PPARA: variants seen among roughly 807,000 people sequenced by gnomAD.
PPARA encodes the protein peroxisome proliferator-activated receptor alpha.
PPARA carries 22 observed loss-of-function variants against 42.2 expected under a neutral mutation model. The ratio of observed to expected loss-of-function variants is 0.52; its 90% CI spans 0.37 to 0.74. The LOEUF is 0.74. PPARA is among the 30% of genes least tolerant of loss of function. The pLI, the probability that PPARA is intolerant of heterozygous loss-of-function variation, is 0.00. For synonymous variants in PPARA, 242 were observed against 239.3 expected (o/e 1.01, Z -0.10); for missense variants, 465 against 608.2 (o/e 0.76, Z 2.48).
chr22:46,153,161 TCC>T (rs1924713693), intron 2 of PPARA, among the ~76,000 whole-genome samples: 1 of 140,770 alleles, frequency 7.1e-6, no homozygotes. Flanking sequence ...TTTTCCCACA[TCC>T]TTTTTTTTTT....
intron 3 of PPARA, among the ~76,000 whole-genome samples, chr22:46,185,194 A>G (rs4253692): frequency 0.019 from 2,841 of 152,120 alleles, 82 homozygotes; most frequent in African/African-American, 0.065. Flanking sequence ...CCCATGTTCC[A>G]TCTGTTTTCA....
intron 3 of PPARA, among the ~76,000 whole-genome samples, chr22:46,189,987 G>A (rs1032503606): frequency 6.6e-6 from 1 of 152,172 alleles, no homozygotes; most frequent in Non-Finnish European, 1.5e-5. Flanking sequence ...TTACAGGCAT[G>A]AGCGACTGCG....
Position 46,190,004 on chromosome 22 carries a change from C to T in PPARA, c.-42-8338C>T, listed in dbSNP as rs116820620. ...ACAGGCATGAGCGACTGCGCCCAGC[C>T]GTGTTCATCTATTTCTGTGAACCGA... is the stretch of plus-strand genomic sequence containing the variant. On this transcript the variant is annotated intron_variant, in intron 3 of 8. Coordinates refer to ENST00000407236, the MANE Select transcript of PPARA (RefSeq NM_005036.6). This position sits in a 1 kb window ranked among gnomAD's most constrained non-coding sequence, Gnocchi z 5.6. Among the ~76,000 whole-genome samples the T allele has an allele frequency of 7.4e-3, 1,133 of 152,254 alleles. 14 individuals are homozygous for T. The highest frequency in any genetic ancestry group is 0.026 in the African/African-American group (1,064 of 41,534).
intron 2 of PPARA, among the ~76,000 whole-genome samples, chr22:46,154,463 C>T (rs1328078444): frequency 6.6e-6 from 1 of 151,898 alleles, no homozygotes; most frequent in African/African-American, 2.4e-5. Flanking sequence ...ACTAAAAATA[C>T]AAAAATTAGC....
In PPARA at chr22:46,191,292, G is replaced by C. The variant is rs1297459291; in HGVS notation, c.-42-7050G>C. 6.6e-6 allele frequency among the ~76,000 whole-genome samples: 1 copy of C among 152,178 alleles called. No homozygotes were observed. Among genetic ancestry groups the C allele is most frequent in the African/African-American group, 2.4e-5 (1 of 41,446 alleles). ...GTGCACACGTGGGTGAGACACGGCA[G>C]CTGCTCTCCAGAAGCCCACAGTGGA... On this transcript the variant is annotated intron_variant, in intron 3 of 8. Coordinates refer to ENST00000407236, the MANE Select transcript of PPARA (RefSeq NM_005036.6). This position sits in a 1 kb window ranked among gnomAD's most constrained non-coding sequence, Gnocchi z 4.6.
chr22:46,151,346 C>G (rs1396623712), intron 1 of PPARA, among the ~76,000 whole-genome samples: 2 of 152,182 alleles, frequency 1.3e-5, no homozygotes, highest in South Asian at 2.1e-4. Context: ...CCACGTCGCT[C>G]CCGGTCGGGG....
chr22:46,211,234 C>A lies in PPARA; in HGVS notation c.209-3939C>A, dbSNP rs1416568708. Among the ~76,000 whole-genome samples, 2 of 152,198 alleles carry A rather than the reference C, an allele frequency of 1.3e-5. No homozygotes were observed. The highest frequency in any genetic ancestry group is 2.9e-5 in the Non-Finnish European group (2 of 68,042). Reference sequence around the variant, plus strand: ...CATGAGTGTGTGCTGATGTCTCCAGCCCTCATCTGTTACCAGATGGATCGT... The same window carrying A: ...CATGAGTGTGTGCTGATGTCTCCAGACCTCATCTGTTACCAGATGGATCGT... On this transcript the variant is annotated intron_variant, in intron 4 of 8. Transcript: ENST00000407236. The surrounding 1 kb of genome is among the most constrained non-coding windows in gnomAD (Gnocchi z 4.1).
Position 46,150,639 on chromosome 22 carries a change from G to T in PPARA, c.-223G>T, listed in dbSNP as rs1411996740. 2 of 143,312 alleles carry T rather than the reference G, an allele frequency of 1.4e-5. No individual in the cohort carries two copies. Among genetic ancestry groups the T allele is most frequent in the African/African-American group, 2.5e-5 (1 of 40,110 alleles). The allele number at this position is 143,312 out of a possible 1,614,324, so 8.9% of individuals were successfully genotyped here. A position where few individuals can be genotyped will look rare whatever the true frequency, so the allele number is the denominator to read the frequency against. ...TTCGCCCCACGGACCGGCAGGCGGC[G>T]GACCGCGGCCCAGGTGCCCGGGGGC... On this transcript the variant is annotated 5_prime_UTR_variant, in exon 1 of 9. Coordinates refer to ENST00000407236, the MANE Select transcript of PPARA (RefSeq NM_005036.6). The surrounding 1 kb of genome is among the most constrained non-coding windows in gnomAD (Gnocchi z 7.5).
chr22:46,213,306 T>C (rs1934112148), intron 4 of PPARA, among the ~76,000 whole-genome samples: 1 of 152,212 alleles, frequency 6.6e-6, no homozygotes, highest in Admixed American at 6.5e-5. Flanking sequence ...CGATGACATA[T>C]CATGCTGAGC....
At chr22:46,199,136 G>A (rs4253711) in intron 4 of PPARA, among the ~76,000 whole-genome samples, 26,686 of 152,054 alleles carry the variant, frequency 0.18, 2,697 homozygotes, top group Admixed American at 0.28. Context: ...TCAGTCACGG[G>A]GAACAGCTAA....
intron 2 of PPARA, among the ~76,000 whole-genome samples, chr22:46,174,188 GAA>G (rs72370297): frequency 0.063 from 6,608 of 105,440 alleles, 499 homozygotes; most frequent in African/African-American, 0.28. Context: ...AAAGAAGGAA[GAA>G]AGAGAGAGAG....
rs1480122579 is a variant in PPARA at position 46,187,877 on chromosome 22, C to T, written c.-42-10465C>T. ...GGCTTGCCTTGTGACTTGCTTTGAC[C>T]CACAGAACGTAACAGAAAGGACACT... On this transcript the variant is annotated intron_variant, in intron 3 of 8. Coordinates refer to ENST00000407236, the MANE Select transcript of PPARA (RefSeq NM_005036.6). This position sits in a 1 kb window ranked among gnomAD's most constrained non-coding sequence, Gnocchi z 4.9. Among the ~76,000 whole-genome samples, 2 of 152,156 alleles carry T rather than the reference C, an allele frequency of 1.3e-5. No homozygotes were observed. Among genetic ancestry groups the T allele is most frequent in the African/African-American group, 4.8e-5 (2 of 41,454 alleles).
intron 4 of PPARA, among the ~76,000 whole-genome samples, chr22:46,209,498 T>C (rs1380948893): frequency 6.6e-6 from 1 of 152,208 alleles, no homozygotes; most frequent in East Asian, 1.9e-4. Context: ...TGCTAAGTTC[T>C]TTTTTTAAGT....
rs980886754 is a variant in PPARA, at chr22:46,229,574, T to A, written c.712-2218T>A. 1.1e-4 allele frequency among the ~76,000 whole-genome samples: 17 copies of A among 151,072 alleles called. No homozygotes were observed. The South Asian group carries it at 2.1e-3, about 19-fold the overall frequency. ...ACTCTGTCTCAAAAAAAAAAAAAAA[T>A]TATCTAGCCCCTCCTAGAAATGTTA... On this transcript the variant is annotated intron_variant, in intron 7 of 8. Coordinates refer to ENST00000407236, the MANE Select transcript of PPARA (RefSeq NM_005036.6).
At position 46,235,731 on chromosome 22, in the gene PPARA, G is replaced by A; in HGVS notation, c.*351G>A. The A allele has an allele frequency of 3.0e-6, 1 of 330,110 alleles. No homozygotes were observed. The highest frequency in any genetic ancestry group is 2.9e-5 in the South Asian group (1 of 34,994). 20.4% of individuals were successfully genotyped at this position (330,110 alleles called of 1,614,324 possible). A position where few individuals can be genotyped will look rare whatever the true frequency, so the allele number is the denominator to read the frequency against. Reference sequence around the variant, plus strand: ...ATTAACTGGTAACCTCAAAATTCGTGGCCTGTCTTCCCATTCACCCCGCTT... The same window carrying A: ...ATTAACTGGTAACCTCAAAATTCGTAGCCTGTCTTCCCATTCACCCCGCTT... On this transcript the variant is annotated 3_prime_UTR_variant, in exon 9 of 9. Transcript: ENST00000407236. This position sits in a 1 kb window ranked among gnomAD's most constrained non-coding sequence, Gnocchi z 7.0.
Position 46,235,452 on chromosome 22 carries a change from A to C in PPARA, c.*72A>C. 6.3e-7 allele frequency: 1 copy of C among 1,578,716 alleles called. No individual in the cohort carries two copies. Among genetic ancestry groups the C allele is most frequent in the Non-Finnish European group, 8.6e-7 (1 of 1,162,890 alleles). On this transcript the variant is annotated 3_prime_UTR_variant, in exon 9 of 9. Transcript: ENST00000407236. This position sits in a 1 kb window ranked among gnomAD's most constrained non-coding sequence, Gnocchi z 7.0. The stretch of plus-strand genomic sequence containing the variant: ...AGCACTACAAAGGAGACGGGGGAGC[A>C]GCACGATTTTGCACAAATATCCACC...
At chr22:46,179,756 T>G (rs1331760174) in intron 3 of PPARA, among the ~76,000 whole-genome samples, 1 of 151,108 alleles carries the variant, frequency 6.6e-6, no homozygotes, top group African/African-American at 2.4e-5. Flanking sequence ...CAAAAGACAG[T>G]TTTAGGAGAA....
chr22:46,210,691 A>G (rs2147502302), intron 4 of PPARA, among the ~76,000 whole-genome samples: 1 of 152,088 alleles, frequency 6.6e-6, no homozygotes, highest in Admixed American at 6.6e-5. Context: ...TGATCCGCCC[A>G]CCTCGGCCTC....
rs60094280 is a variant in PPARA at position 46,211,456 on chromosome 22, C to T, written c.209-3717C>T. On this transcript the variant is annotated intron_variant, in intron 4 of 8. Coordinates refer to ENST00000407236, the MANE Select transcript of PPARA (RefSeq NM_005036.6). The surrounding 1 kb of genome is among the most constrained non-coding windows in gnomAD (Gnocchi z 4.1). ...CAGATTCCAATCATTCCAAATTATT[C>T]GGTGCAGCGCCTTTCCGCACCTGCA... Among the ~76,000 whole-genome samples, 4,596 of 152,266 alleles carry T rather than the reference C, an allele frequency of 0.03. 236 individuals carry two copies. The highest frequency in any genetic ancestry group is 0.1 in the African/African-American group (4,360 of 41,544).
Sources: gnomAD v4.1 joint callset for allele counts (sites outside exome capture counted in the v4.1 genomes callset) on GRCh38, gnomAD v4.1.1 for gene constraint, Gnocchi (gnomAD v3.1) non-coding constraint, MANE v1.5 for transcripts, NCBI Gene and HGNC (gene_info 2026-07-23, HGNC 2026-07-21) for gene names.